The following ADK variants were observed in gnomAD, a reference collection of about 807,000 sequenced individuals.
ADK encodes adenosine kinase, also known as N6,N6-dimethyladenosine kinase.
In ADK, 24 loss-of-function variants were observed where a neutral mutation model predicts 44.7. The observed-to-expected ratio is 0.54, with a 90% confidence interval of 0.39 to 0.76. The LOEUF (loss-of-function observed/expected upper bound fraction) is 0.76, where lower values mean the gene tolerates loss of function less well. ADK is among the 30% of genes least tolerant of loss of function. ADK has a pLI of 0.00. For synonymous variants in ADK, 128 were observed against 142.6 expected (o/e 0.90, Z 0.73); for missense variants, 321 against 425.1 (o/e 0.76, Z 2.15).
chr10:74,424,535 C>CAAAAAAAAAA lies in ADK; in HGVS notation c.555+25980_555+25989dup, dbSNP rs57106986. Among the ~76,000 whole-genome samples, 33 of 58,458 alleles carry CAAAAAAAAAA rather than the reference C, an allele frequency of 5.6e-4. 1 individual carries two copies. The highest frequency in any genetic ancestry group is 1.8e-3 in the African/African-American group (25 of 13,734). 38.4% of individuals were successfully genotyped at this position (58,458 alleles called of 152,430 possible). A position where few individuals can be genotyped will look rare whatever the true frequency, so the allele number is the denominator to read the frequency against. The stretch of plus-strand genomic sequence containing the variant: ...GGGCAACAAGAGCAAAACTCCGTCT[C>CAAAAAAAAAA]AAAAAAAAAAAAAAAAAAAAAAAAA... On this transcript the variant is annotated intron_variant, in intron 6 of 10. Transcript: ENST00000539909.
chr10:74,396,770 A>G (rs930640710), intron 5 of ADK, among the ~76,000 whole-genome samples: 17 of 151,924 alleles, frequency 1.1e-4, no homozygotes, highest in African/African-American at 4.1e-4. Flanking sequence ...CCTGGCCAAC[A>G]TGGTGAAACT....
chr10:74,232,473 G>C (rs1407604277), intron 3 of ADK, among the ~76,000 whole-genome samples: 1 of 148,912 alleles, frequency 6.7e-6, no homozygotes, highest in Admixed American at 6.7e-5. Flanking sequence ...AGTGAGCAAA[G>C]ATTGCACAAC....
chr10:74,354,667 G>T (rs1340453784), intron 4 of ADK, among the ~76,000 whole-genome samples: 1 of 152,144 alleles, frequency 6.6e-6, no homozygotes, highest in East Asian at 1.9e-4. Context: ...GATGTGAAGG[G>T]TCTACTCCAT....
At chr10:74,530,831 A>G (rs939127709) in intron 7 of ADK, among the ~76,000 whole-genome samples, 1 of 152,164 alleles carries the variant, frequency 6.6e-6, no homozygotes, top group African/African-American at 2.4e-5. Flanking sequence ...TGGCTGAGGC[A>G]TGAGAATTAC....
chr10:74,309,968 T>G (rs1383191236), intron 3 of ADK, among the ~76,000 whole-genome samples: 1 of 152,160 alleles, frequency 6.6e-6, no homozygotes, highest in African/African-American at 2.4e-5. Context: ...TTAATATTAC[T>G]ATATTCATCT....
chr10:74,496,739 G>A lies in ADK; in HGVS notation c.556-28517G>A, dbSNP rs182852041. On this transcript the variant is annotated intron_variant, in intron 6 of 10. Coordinates refer to ENST00000539909, the MANE Select transcript of ADK (RefSeq NM_006721.4). The stretch of plus-strand genomic sequence containing the variant: ...TTGCTTCCACCTCCCATAGTGCTAG[G>A]ATTATAGGCGTGAACCACCATGCCT... Among the ~76,000 whole-genome samples, 421 of 152,222 alleles carry A rather than the reference G, an allele frequency of 2.8e-3. 1 individual carries two copies. The highest frequency in any genetic ancestry group is 5.4e-3 in the Admixed American group (82 of 15,286).
intron 3 of ADK, among the ~76,000 whole-genome samples, chr10:74,273,494 G>T (rs945126715): frequency 1.3e-5 from 2 of 148,814 alleles, no homozygotes; most frequent in Non-Finnish European, 3.0e-5. Flanking sequence ...TCTTGCTCTT[G>T]TTCCCCAGGC....
In ADK at chr10:74,236,074, A is replaced by G. The variant is rs1322215526; in HGVS notation, c.194+11483A>G. 3.9e-5 allele frequency among the ~76,000 whole-genome samples: 6 copies of G among 152,348 alleles called. 1 individual carries two copies. Among genetic ancestry groups the G allele is most frequent in the Middle Eastern group, 6.8e-3 (2 of 294 alleles). ...TACCCAATCTCAGGTTTCTGTTAAA[A>G]GCCGTAGCAATCAAACTAAGACACT... On this transcript the variant is annotated intron_variant, in intron 3 of 10. Transcript: ENST00000539909.
intron 10 of ADK, among the ~76,000 whole-genome samples, chr10:74,674,578 A>G (rs1324520434): frequency 6.6e-6 from 1 of 151,948 alleles, no homozygotes. Flanking sequence ...TGGATCAAAG[A>G]CTTAAATGTA....
chr10:74,675,658 A>G (rs1197462413), intron 10 of ADK, among the ~76,000 whole-genome samples: 1 of 152,156 alleles, frequency 6.6e-6, no homozygotes, highest in Non-Finnish European at 1.5e-5. Context: ...CAGCAGGTCT[A>G]CCTTTTCATT....
intron 9 of ADK, among the ~76,000 whole-genome samples, chr10:74,645,775 C>A (rs1451683963): frequency 6.6e-6 from 1 of 152,174 alleles, no homozygotes; most frequent in Non-Finnish European, 1.5e-5. Flanking sequence ...TTGTCAGTGA[C>A]AACTGAACAA....
chr10:74,631,851 C>T (rs1051358077), intron 9 of ADK, among the ~76,000 whole-genome samples: 5 of 152,188 alleles, frequency 3.3e-5, no homozygotes, highest in South Asian at 4.1e-4. Flanking sequence ...ATTACTTTTT[C>T]GCCATTCTTG....
intron 6 of ADK, among the ~76,000 whole-genome samples, chr10:74,428,365 A>G (rs1341003135): frequency 6.6e-6 from 1 of 152,194 alleles, no homozygotes; most frequent in Non-Finnish European, 1.5e-5. Context: ...GTAATGCCAA[A>G]AAGTAAGGAA....
chr10:74,326,891 CT>C (rs1053420757), intron 4 of ADK, among the ~76,000 whole-genome samples: 1 of 151,688 alleles, frequency 6.6e-6, no homozygotes, highest in Non-Finnish European at 1.5e-5. Context: ...GTAGTGTCTC[CT>C]TTTTTGTTTC....
At chr10:74,329,897 C>T (rs1348327795) in intron 4 of ADK, among the ~76,000 whole-genome samples, 1 of 152,042 alleles carries the variant, frequency 6.6e-6, no homozygotes, top group African/African-American at 2.4e-5. Flanking sequence ...TGTGATGGCT[C>T]ACGCTTATAA....
chr10:74,349,248 G>T (rs552517372), intron 4 of ADK, among the ~76,000 whole-genome samples: 38 of 152,274 alleles, frequency 2.5e-4, no homozygotes, highest in African/African-American at 9.1e-4. Context: ...GAAGAGAGTG[G>T]GGGCCATTAT....
chr10:74,448,188 A>G (rs1049836263), intron 6 of ADK, among the ~76,000 whole-genome samples: 5 of 152,016 alleles, frequency 3.3e-5, no homozygotes, highest in South Asian at 2.1e-4. Flanking sequence ...AATAAATAAG[A>G]GTTAGGTTTA....
rs926504801 is a variant in ADK, at chr10:74,656,012, G to A, written c.878-14171G>A. On this transcript the variant is annotated intron_variant, in intron 9 of 10. Coordinates refer to ENST00000539909, the MANE Select transcript of ADK (RefSeq NM_006721.4). ...TGGGAACCGCCTGCTCTTTCCTGCA[G>A]GAGCTGGTGTCTGTGGGCCTTGGAG... 8.8e-5 allele frequency: 55 copies of A among 627,432 alleles called. 1 individual carries two copies. In the Middle Eastern group the frequency reaches 1.4e-3, roughly 16 times the overall value. 38.9% of individuals were successfully genotyped at this position (627,432 alleles called of 1,614,324 possible).
rs374416622 is a variant in ADK, at chr10:74,657,515, T to C, written c.878-12668T>C. Among the ~76,000 whole-genome samples the C allele has an allele frequency of 2.2e-4, 33 of 152,346 alleles. 1 individual carries two copies. The East Asian group carries it at 2.3e-3, about 11-fold the overall frequency. The stretch of plus-strand genomic sequence containing the variant: ...AACTTGAGTTTATTTGCTTCCGTGG[T>C]TTACTAAACTAAGCTAGAGAAATAT... On this transcript the variant is annotated intron_variant, in intron 9 of 10. Transcript: ENST00000539909.
Sources: gnomAD v4.1 joint callset for allele counts (sites outside exome capture counted in the v4.1 genomes callset) on GRCh38, gnomAD v4.1.1 for gene constraint, MANE v1.5 for transcripts, NCBI Gene and HGNC (gene_info 2026-07-23, HGNC 2026-07-21) for gene names.